Variants in SORCS2 observed in about 807,000 individuals in gnomAD.
The protein encoded by SORCS2 is sortilin related VPS10 domain containing receptor 2, also known as VPS10 domain-containing receptor SorCS2.
A neutral mutation model predicts 141.6 loss-of-function variants in SORCS2; 100 were observed. That is an observed-to-expected ratio of 0.71 (90% CI 0.60 to 0.83). The LOEUF is 0.83. SORCS2 is among the 40% of genes least tolerant of loss of function. The probability of loss-of-function intolerance (pLI) is 0.00; values close to 1 mark genes in which losing one functional copy is unlikely to be tolerated. For missense variants in SORCS2, 1,646 were observed against 1,560.2 expected, an observed-to-expected ratio of 1.05 and a Z score of -0.93; for synonymous variants, 789 against 676.9, an observed-to-expected ratio of 1.17 and a Z score of -2.57.
In SORCS2 at chr4:7,657,002, G is replaced by A. The variant is rs183420147; in HGVS notation, c.887+2795G>A. Among the ~76,000 whole-genome samples, 147 of 152,360 alleles carry A rather than the reference G, an allele frequency of 9.6e-4. 1 individual carries two copies. Among genetic ancestry groups the A allele is most frequent in the East Asian group, 9.6e-4 (5 of 5,182 alleles). On this transcript the variant is annotated intron_variant, in intron 5 of 26. Coordinates refer to ENST00000507866, the MANE Select transcript of SORCS2 (RefSeq NM_020777.3). ...CAGTGGAGACCTCAACAAGCAAGAAGTCCTGTGTGTCAGGCTTGCCATTTC... is the reference window on the plus strand; with the variant it reads ...CAGTGGAGACCTCAACAAGCAAGAAATCCTGTGTGTCAGGCTTGCCATTTC...
chr4:7,737,822 G>A (rs1325837664), intron 26 of SORCS2, among the ~76,000 whole-genome samples: 1 of 152,180 alleles, frequency 6.6e-6, no homozygotes, highest in African/African-American at 2.4e-5. Flanking sequence ...GGTCTCTCAT[G>A]AGGCTGCAGT....
rs1711965261 is a variant in SORCS2, at chr4:7,734,257, C to T, written c.3209-15C>T. Reference sequence around the variant, plus strand: ...GGTGCCCGAGGTCCTCCACTGACAACCGCTTTGCTTGCAGGTGCTGAGCAG... The same window carrying T: ...GGTGCCCGAGGTCCTCCACTGACAATCGCTTTGCTTGCAGGTGCTGAGCAG... On this transcript the variant is annotated splice_polypyrimidine_tract_variant and intron_variant, in intron 24 of 26. Coordinates refer to ENST00000507866, the MANE Select transcript of SORCS2 (RefSeq NM_020777.3). The T allele has an allele frequency of 1.3e-6, 2 of 1,579,934 alleles. No homozygotes were observed. The highest frequency in any genetic ancestry group is 8.6e-7 in the Non-Finnish European group (1 of 1,163,958).
At chr4:7,331,927 G>T (rs1305974212) in intron 1 of SORCS2, among the ~76,000 whole-genome samples, 1 of 152,212 alleles carries the variant, frequency 6.6e-6, no homozygotes, top group Non-Finnish European at 1.5e-5. Context: ...TATGACTGGG[G>T]CTGGAGCCTG....
chr4:7,484,774 C>T (rs1193636255), intron 2 of SORCS2, among the ~76,000 whole-genome samples: 1 of 151,922 alleles, frequency 6.6e-6, no homozygotes, highest in Non-Finnish European at 1.5e-5. Context: ...ACCTCCTGCA[C>T]CCAGCCCTCC....
chr4:7,276,146 G>A (rs1715487014), intron 1 of SORCS2, among the ~76,000 whole-genome samples: 1 of 152,216 alleles, frequency 6.6e-6, no homozygotes, highest in Non-Finnish European at 1.5e-5. Flanking sequence ...CCCGCTCATA[G>A]CCTCCGTGGC....
intron 1 of SORCS2, among the ~76,000 whole-genome samples, chr4:7,302,629 T>C (rs969872890): frequency 2.6e-5 from 4 of 152,186 alleles, no homozygotes; most frequent in Non-Finnish European, 4.4e-5. Flanking sequence ...ATGACCACAG[T>C]TGGACTTAAC....
chr4:7,393,069 G>T (rs961122676), intron 1 of SORCS2, among the ~76,000 whole-genome samples: 4 of 152,198 alleles, frequency 2.6e-5, no homozygotes, highest in Admixed American at 2.0e-4. Context: ...AGGACGGGAG[G>T]CAAGAGGATG....
chr4:7,280,923 A>G (rs1715833983), intron 1 of SORCS2, among the ~76,000 whole-genome samples: 2 of 152,252 alleles, frequency 1.3e-5, no homozygotes, highest in Admixed American at 6.5e-5. Flanking sequence ...CATGAGGCCA[A>G]GCTGCACAAA....
At chr4:7,733,456 G>A in intron 24 of SORCS2, 35 bp downstream of exon 24, 2 of 1,514,116 alleles carry the variant, frequency 1.3e-6, no homozygotes, top group Non-Finnish European at 1.8e-6. Context: ...GGAATGGGTG[G>A]AGGAGGCATC....
rs970946546 is a variant in SORCS2 at position 7,555,573 on chromosome 4, G to A, written c.648+23944G>A. Among the ~76,000 whole-genome samples, 8 of 152,356 alleles carry A rather than the reference G, an allele frequency of 5.3e-5. No homozygotes were observed. The East Asian group carries it at 1.5e-3, about 29-fold the overall frequency. On this transcript the variant is annotated intron_variant, in intron 3 of 26. Coordinates refer to ENST00000507866, the MANE Select transcript of SORCS2 (RefSeq NM_020777.3). ...TACGCGTGCAACTATTTAGTGTCAGGGTTGGGTATCGGATGAAAACAGACA... is the reference window on the plus strand; with the variant it reads ...TACGCGTGCAACTATTTAGTGTCAGAGTTGGGTATCGGATGAAAACAGACA...
At chr4:7,591,049 T>C (rs1716881486) in intron 3 of SORCS2, among the ~76,000 whole-genome samples, 1 of 152,172 alleles carries the variant, frequency 6.6e-6, no homozygotes, top group African/African-American at 2.4e-5. Context: ...CACAGCACAC[T>C]TGGCGGGTCT....
At chr4:7,602,296 G>A (rs1472324213) in intron 3 of SORCS2, among the ~76,000 whole-genome samples, 1 of 151,682 alleles carries the variant, frequency 6.6e-6, no homozygotes, top group East Asian at 2.0e-4. Flanking sequence ...TGGCCGGGCG[G>A]GGGCTGTCCC....
At chr4:7,516,688 G>T (rs770702480) in intron 2 of SORCS2, among the ~76,000 whole-genome samples, 2 of 152,126 alleles carry the variant, frequency 1.3e-5, no homozygotes. Context: ...CCAGGAACAC[G>T]GCATGAAGTT....
rs1309659255 is a variant in SORCS2, at chr4:7,617,956, C to T, written c.649-20372C>T. ...GGAGTGGGATGCTCGCCCATCCCTC[C>T]GTTTTTCCCTCTTCCTCCATGACCC... On this transcript the variant is annotated intron_variant, in intron 3 of 26. Transcript: ENST00000507866. Among the ~76,000 whole-genome samples the T allele has an allele frequency of 3.9e-5, 6 of 152,004 alleles. 1 individual carries two copies. Among genetic ancestry groups the T allele is most frequent in the Non-Finnish European group, 7.4e-5 (5 of 67,986 alleles).
chr4:7,733,813 A>T (rs1711908047), intron 24 of SORCS2, among the ~76,000 whole-genome samples: 1 of 152,212 alleles, frequency 6.6e-6, no homozygotes, highest in African/African-American at 2.4e-5. Flanking sequence ...ACCAGCATCA[A>T]CATAGCCGGG....
chr4:7,691,978 C>A (rs1724287325), intron 11 of SORCS2, among the ~76,000 whole-genome samples: 1 of 151,728 alleles, frequency 6.6e-6, no homozygotes, highest in Non-Finnish European at 1.5e-5. Flanking sequence ...TCACAGCCTT[C>A]CTCCCTCCCT....
At chr4:7,259,062 C>T (rs568599592) in intron 1 of SORCS2, among the ~76,000 whole-genome samples, 1 of 152,262 alleles carries the variant, frequency 6.6e-6, no homozygotes, top group Admixed American at 6.5e-5. Flanking sequence ...AAAATTTTCT[C>T]CTATTCCGTA....
intron 1 of SORCS2, among the ~76,000 whole-genome samples, chr4:7,238,464 C>A (rs566177213): frequency 6.6e-6 from 1 of 152,264 alleles, no homozygotes; most frequent in East Asian, 1.9e-4. Flanking sequence ...CTGGTAGCAG[C>A]CTTAAGCCAG....
chr4:7,687,555 A>C (rs1022219178), intron 10 of SORCS2, among the ~76,000 whole-genome samples: 1 of 152,198 alleles, frequency 6.6e-6, no homozygotes, highest in South Asian at 2.1e-4. Context: ...CACAGTGCCC[A>C]GGCTCCTGCC....
Sources: allele counts gnomAD v4.1 joint callset (sites outside exome capture counted in the v4.1 genomes callset), GRCh38; gene constraint gnomAD v4.1.1; transcripts MANE v1.5; gene names NCBI Gene and HGNC (gene_info 2026-07-23, HGNC 2026-07-21).